Variants in PLCXD3 observed in about 807,000 individuals in gnomAD.
PLCXD3 encodes the protein phosphatidylinositol specific phospholipase C X domain containing 3, also known as PI-PLC X domain-containing protein 3.
Under a neutral mutation model 25.5 loss-of-function variants are expected in PLCXD3, and 19 were observed. That is an observed-to-expected ratio of 0.75 (90% CI 0.52 to 1.09). The LOEUF (loss-of-function observed/expected upper bound fraction) is 1.09. Among genes scored for constraint, PLCXD3 ranks in the 50% least tolerant of loss-of-function variants. The pLI is 0.00. For missense variants in PLCXD3, 411 were observed against 388.1 expected, an observed-to-expected ratio of 1.06 and a Z score of -0.50; for synonymous variants, 174 against 137.6, an observed-to-expected ratio of 1.26 and a Z score of -1.85.
chr5:41,411,771 T>G (rs1746529744), intron 1 of PLCXD3, among the ~76,000 whole-genome samples: 1 of 150,022 alleles, frequency 6.7e-6, no homozygotes, highest in Admixed American at 6.7e-5. Context: ...TATAATATTT[T>G]TATAATAGTT....
intron 1 of PLCXD3, among the ~76,000 whole-genome samples, chr5:41,435,781 G>A (rs1318500452): frequency 6.6e-6 from 1 of 152,202 alleles, no homozygotes; most frequent in African/African-American, 2.4e-5. Context: ...AATAAGATTT[G>A]TGGAGACTAA....
In PLCXD3 at chr5:41,502,174, T is replaced by G. The variant is rs1748965419; in HGVS notation, c.103+8250A>C. The stretch of plus-strand genomic sequence containing the variant: ...GATCCAGAACACAAGTGGAAAAACT[T>G]AGCTTATGTATGAGCAGGTCTAGAT... On this transcript the variant is annotated intron_variant, in intron 1 of 2. Transcript: ENST00000377801. Among the ~76,000 whole-genome samples the G allele has an allele frequency of 2.0e-5, 3 of 152,212 alleles. No individual in the cohort carries two copies. The South Asian group carries it at 6.2e-4, about 32-fold the overall frequency.
chr5:41,485,859 C>A (rs1748507113), intron 1 of PLCXD3, among the ~76,000 whole-genome samples: 1 of 152,192 alleles, frequency 6.6e-6, no homozygotes, highest in Admixed American at 6.6e-5. Flanking sequence ...TACTGACCTG[C>A]TCTTACATAG....
chr5:41,378,234 G>A (rs1745354734), intron 2 of PLCXD3, among the ~76,000 whole-genome samples: 1 of 152,076 alleles, frequency 6.6e-6, no homozygotes, highest in South Asian at 2.1e-4. Flanking sequence ...GAAGGCTGGA[G>A]TATGTCCAAT....
intron 1 of PLCXD3, among the ~76,000 whole-genome samples, chr5:41,508,171 A>G (rs1180458994): frequency 2.0e-5 from 3 of 152,212 alleles, no homozygotes; most frequent in African/African-American, 7.2e-5. Context: ...TGGGAAAACA[A>G]TATAAATTCC....
intron 1 of PLCXD3, among the ~76,000 whole-genome samples, chr5:41,462,464 T>C (rs1747909636): frequency 6.6e-6 from 1 of 151,992 alleles, no homozygotes; most frequent in Admixed American, 6.6e-5. Context: ...GGGACTTATT[T>C]TCATATAAGT....
intron 1 of PLCXD3, among the ~76,000 whole-genome samples, chr5:41,403,401 G>GTTGTTGTTTTTT (rs1746250356): frequency 5.4e-5 from 1 of 18,412 alleles, no homozygotes; most frequent in Non-Finnish European, 1.4e-4. Flanking sequence ...CTTATTTGTT[G>GTTGTTGTTTTTT]TTTTTTTTTT....
chr5:41,448,762 T>A (rs180874076), intron 1 of PLCXD3, among the ~76,000 whole-genome samples: 5 of 152,320 alleles, frequency 3.3e-5, no homozygotes, highest in African/African-American at 9.6e-5. Flanking sequence ...AGTTAATGAA[T>A]GGATGAGTGA....
intron 2 of PLCXD3, among the ~76,000 whole-genome samples, chr5:41,345,635 T>C (rs1041897085): frequency 1.3e-5 from 2 of 152,004 alleles, no homozygotes; most frequent in Non-Finnish European, 2.9e-5. Context: ...AGTGTCCAAT[T>C]ATTTACCATG....
At chr5:41,369,928 AC>A (rs1745044445) in intron 2 of PLCXD3, among the ~76,000 whole-genome samples, 1 of 152,238 alleles carries the variant, frequency 6.6e-6, no homozygotes, top group African/African-American at 2.4e-5. Context: ...TATATTGGCC[AC>A]ATATCACATC....
rs533635782 is a variant in PLCXD3 at position 41,484,833 on chromosome 5, G to A, written c.103+25591C>T. 1.8e-4 allele frequency among the ~76,000 whole-genome samples: 28 copies of A among 152,184 alleles called. No homozygotes were observed. The South Asian group carries it at 5.8e-3, about 32-fold the overall frequency. On this transcript the variant is annotated intron_variant, in intron 1 of 2. Transcript: ENST00000377801. Reference sequence around the variant, plus strand: ...CAATAGCCTTGGAAATAACATTCAGGTGCTAAATTGAGATTTGTTCCTGCT... The same window carrying A: ...CAATAGCCTTGGAAATAACATTCAGATGCTAAATTGAGATTTGTTCCTGCT...
At chr5:41,324,546 G>A (rs1743567602) in intron 2 of PLCXD3, among the ~76,000 whole-genome samples, 1 of 152,172 alleles carries the variant, frequency 6.6e-6, no homozygotes, top group Admixed American at 6.5e-5. Context: ...GGTCCCCACA[G>A]CAATAGTTTT....
chr5:41,326,843 G>T (rs113906766), intron 2 of PLCXD3, among the ~76,000 whole-genome samples: 1 of 149,506 alleles, frequency 6.7e-6, no homozygotes, highest in African/African-American at 2.5e-5. Flanking sequence ...TACATCCCCT[G>T]TACCTACCAC....
chr5:41,496,627 C>A (rs200481014), intron 1 of PLCXD3, among the ~76,000 whole-genome samples: 223 of 114,492 alleles, frequency 1.9e-3, no homozygotes, highest in South Asian at 2.9e-3. Context: ...TTTCCCAGAC[C>A]AAAAAAAAAA....
chr5:41,394,701 A>G (rs746035752), intron 1 of PLCXD3, among the ~76,000 whole-genome samples: 14 of 152,186 alleles, frequency 9.2e-5, no homozygotes, highest in Non-Finnish European at 1.8e-4. Flanking sequence ...CAAGACAAAA[A>G]CTAAAAGAAG....
chr5:41,379,724 A>T (rs574547421), intron 2 of PLCXD3, among the ~76,000 whole-genome samples: 11 of 152,076 alleles, frequency 7.2e-5, no homozygotes, highest in Non-Finnish European at 1.2e-4. Context: ...TGGCCTCTTC[A>T]GATCTTCAGT....
chr5:41,316,261 GA>G (rs544564044), intron 2 of PLCXD3, among the ~76,000 whole-genome samples: 3 of 152,166 alleles, frequency 2.0e-5, no homozygotes, highest in Non-Finnish European at 4.4e-5. Context: ...CCCTGGGCCA[GA>G]AGGGAACCTG....
rs953170846 is a variant in PLCXD3 at position 41,491,535 on chromosome 5, G to T, written c.103+18889C>A. ...ATCTGTCTAACGTCGACAGTGGGGT[G>T]TTAAAGTCTCCCATTATTATTGTGT... is the stretch of plus-strand genomic sequence containing the variant. On this transcript the variant is annotated intron_variant, in intron 1 of 2. Transcript: ENST00000377801. Among the ~76,000 whole-genome samples the T allele has an allele frequency of 5.9e-5, 9 of 152,138 alleles. 1 individual carries two copies. The highest frequency in any genetic ancestry group is 1.2e-4 in the Non-Finnish European group (8 of 68,034).
intron 1 of PLCXD3, among the ~76,000 whole-genome samples, chr5:41,419,802 C>A (rs779850621): frequency 6.6e-6 from 1 of 152,176 alleles, no homozygotes; most frequent in Non-Finnish European, 1.5e-5. Flanking sequence ...CATAGACCAA[C>A]CTCACTCAAT....
Sources: allele counts gnomAD v4.1 joint callset (sites outside exome capture counted in the v4.1 genomes callset), GRCh38; gene constraint gnomAD v4.1.1; transcripts MANE v1.5; gene names NCBI Gene and HGNC (gene_info 2026-07-23, HGNC 2026-07-21).